Variants in TMEM209 observed in about 807,000 individuals in gnomAD.
TMEM209 encodes testicular tissue protein Li 202.
Under a neutral mutation model 76.2 loss-of-function variants are expected in TMEM209, and 65 were observed. That is an observed-to-expected ratio of 0.85 (90% CI 0.70 to 1.05). The LOEUF (loss-of-function observed/expected upper bound fraction) is 1.05. Ranked by LOEUF, TMEM209 falls within the 50% of genes least tolerant of loss-of-function variation. TMEM209 has a pLI of 0.00. For missense variants in TMEM209, 623 were observed against 685.5 expected (o/e 0.91, Z 1.02); for synonymous variants, 239 against 237.6 (o/e 1.01, Z -0.06).
At chr7:130,194,597 T>C (rs1262513917) in intron 5 of TMEM209, among the ~76,000 whole-genome samples, 1 of 152,220 alleles carries the variant, frequency 6.6e-6, no homozygotes, top group African/African-American at 2.4e-5. Context: ...ACAATGAAGA[T>C]AGCTGTACAT....
intron 10 of TMEM209, among the ~76,000 whole-genome samples, chr7:130,177,717 G>A (rs1034257022): frequency 1.3e-5 from 2 of 152,098 alleles, no homozygotes; most frequent in African/African-American, 4.8e-5. Flanking sequence ...TACAAGAGGA[G>A]TGTGTATACT....
At chr7:130,190,869 C>G (rs1797770104) in intron 6 of TMEM209, among the ~76,000 whole-genome samples, 1 of 151,798 alleles carries the variant, frequency 6.6e-6, no homozygotes, top group Admixed American at 6.6e-5. Context: ...TGGTGGCATG[C>G]ATCTGTAGTC....
intron 5 of TMEM209, chr7:130,200,026 CATCTT>C (rs950298861): frequency 4.7e-4 from 72 of 151,758 alleles, no homozygotes; most frequent in African/African-American, 1.7e-3. Flanking sequence ...AGAAAATTAT[CATCTT>C]ATATTATGGT....
intron 6 of TMEM209, among the ~76,000 whole-genome samples, chr7:130,188,411 A>G (rs539938848): frequency 3.9e-5 from 6 of 152,158 alleles, no homozygotes; most frequent in South Asian, 2.1e-4. Context: ...CCTGGCTAAC[A>G]TGGTGAAACC....
intron 7 of TMEM209, among the ~76,000 whole-genome samples, chr7:130,184,736 C>T (rs1030862807): frequency 5.9e-5 from 9 of 152,124 alleles, no homozygotes; most frequent in Non-Finnish European, 1.3e-4. Flanking sequence ...GTGATCCACC[C>T]GCCTCTGCCT....
At chr7:130,202,386 T>G in intron 4 of TMEM209, 146 bp downstream of exon 4, 1 of 1,182,456 alleles carries the variant, frequency 8.5e-7, no homozygotes, top group African/African-American at 1.5e-5. Context: ...GGAATGATAA[T>G]CATTGGTCAT....
Position 130,194,191 on chromosome 7 carries a change from T to G in TMEM209, c.574-1368A>C, listed in dbSNP as rs1797893280. ...TCCAGCCTGGGTGACAGAGCGAGACTCCGTCTCAAAAAAAAAAAAAAGAAA... is the reference window on the plus strand; with the variant it reads ...TCCAGCCTGGGTGACAGAGCGAGACGCCGTCTCAAAAAAAAAAAAAAGAAA... On this transcript the variant is annotated intron_variant, in intron 5 of 14. Coordinates refer to ENST00000397622, the MANE Select transcript of TMEM209 (RefSeq NM_032842.4). Among the ~76,000 whole-genome samples, 3 of 137,368 alleles carry G rather than the reference T, an allele frequency of 2.2e-5. No homozygotes were observed. The South Asian group carries it at 7.1e-4, about 32-fold the overall frequency. The allele number at this position is 137,368 out of a possible 152,430, so 90.1% of individuals were successfully genotyped here.
chr7:130,177,265 C>T (rs1797265936), intron 10 of TMEM209, among the ~76,000 whole-genome samples: 1 of 150,612 alleles, frequency 6.6e-6, no homozygotes, highest in South Asian at 2.1e-4. Context: ...GCAGAAGAAT[C>T]GCTTGAACCC....
chr7:130,189,573 G>A (rs1450779173), intron 6 of TMEM209, among the ~76,000 whole-genome samples: 3 of 152,162 alleles, frequency 2.0e-5, no homozygotes, highest in Non-Finnish European at 4.4e-5. Context: ...GTGGAATGAT[G>A]CCCGCAACTT....
chr7:130,193,173 A>G (rs1339495321), intron 5 of TMEM209, among the ~76,000 whole-genome samples: 7 of 152,222 alleles, frequency 4.6e-5, no homozygotes, highest in Non-Finnish European at 8.8e-5. Flanking sequence ...CAAAACTTGA[A>G]AGCAACCAAG....
chr7:130,204,014 G>T lies in TMEM209; in HGVS notation c.100C>A (p.Leu34Ile). The T allele has an allele frequency of 6.2e-7, 1 of 1,613,692 alleles. No homozygotes were observed. The highest frequency in any genetic ancestry group is 8.5e-7 in the Non-Finnish European group (1 of 1,179,796). The change falls in exon 2 of 15, where the codon CTC becomes ATC. Residue 34 changes from leucine (L) to isoleucine (I), a missense_variant. Coordinates refer to ENST00000397622, the MANE Select transcript of TMEM209 (RefSeq NM_032842.4). Reference sequence around the variant, plus strand: ...ATTCCAGCCATAGATACATTTAGGAGTCCCCAGGCTAAGACCACTTTCCTA... The same window carrying T: ...ATTCCAGCCATAGATACATTTAGGATTCCCCAGGCTAAGACCACTTTCCTA... ...EARKVVLAWG[L>I]LNVSMAGMIY...
intron 6 of TMEM209, among the ~76,000 whole-genome samples, chr7:130,186,781 T>C (rs1053128455): frequency 6.6e-6 from 1 of 151,458 alleles, no homozygotes; most frequent in Non-Finnish European, 1.5e-5. Context: ...AACACCACCA[T>C]CACCACCACC....
intron 5 of TMEM209, among the ~76,000 whole-genome samples, chr7:130,195,605 A>G (rs1797942903): frequency 6.7e-6 from 1 of 149,810 alleles, no homozygotes; most frequent in Non-Finnish European, 1.5e-5. Context: ...TTACCTGGTC[A>G]TCAATTATTC....
At chr7:130,202,174 C>G in intron 4 of TMEM209, 83 bp from the exon 5 acceptor site, 10 of 1,479,196 alleles carry the variant, frequency 6.8e-6, no homozygotes, top group Non-Finnish European at 9.0e-6. Context: ...CTAAGTCTTT[C>G]TCTTAAGGGA....
At chr7:130,173,022 A>C (rs1227275592) in intron 13 of TMEM209, among the ~76,000 whole-genome samples, 2 of 148,698 alleles carry the variant, frequency 1.3e-5, no homozygotes, top group Non-Finnish European at 3.0e-5. Flanking sequence ...AAAAAAAGGA[A>C]TTTTTATGAA....
chr7:130,166,186 A>C lies in TMEM209; in HGVS notation c.*265T>G, dbSNP rs1367142568. On this transcript the variant is annotated 3_prime_UTR_variant, in exon 15 of 15. Transcript: ENST00000397622. The stretch of plus-strand genomic sequence containing the variant: ...GGGAATGGCACTATTTTGAGTCAAT[A>C]AAAATCCGAAGGGTTGCAGTTTTGT... 6.9e-6 allele frequency: 2 copies of C among 291,436 alleles called. No individual in the cohort carries two copies. The highest frequency in any genetic ancestry group is 1.3e-5 in the Non-Finnish European group (2 of 159,708). The allele number at this position is 291,436 out of a possible 1,614,324, so 18.1% of individuals were successfully genotyped here. A position where few individuals can be genotyped will look rare whatever the true frequency, so the allele number is the denominator to read the frequency against.
chr7:130,174,678 CT>C (rs1797177845), intron 11 of TMEM209, among the ~76,000 whole-genome samples: 1 of 152,154 alleles, frequency 6.6e-6, no homozygotes, highest in South Asian at 2.1e-4. Context: ...CATTTATGTT[CT>C]TTGATCTCCT....
chr7:130,195,028 T>C (rs1329654607), intron 5 of TMEM209, among the ~76,000 whole-genome samples: 1 of 152,154 alleles, frequency 6.6e-6, no homozygotes, highest in Admixed American at 6.5e-5. Flanking sequence ...AATTGGCCTA[T>C]TTTTGCTTAC....
At chr7:130,202,962 A>T (rs1307213193) in intron 3 of TMEM209, among the ~76,000 whole-genome samples, 1 of 151,836 alleles carries the variant, frequency 6.6e-6, no homozygotes, top group East Asian at 1.9e-4. Flanking sequence ...GGTGACGCAC[A>T]CCTGTAGTCT....
Sources: allele counts gnomAD v4.1 joint callset (sites outside exome capture counted in the v4.1 genomes callset), GRCh38; gene constraint gnomAD v4.1.1; transcripts MANE v1.5; gene names NCBI Gene and HGNC (gene_info 2026-07-23, HGNC 2026-07-21).